The following TRIP12 variants were observed in gnomAD, a reference collection of about 807,000 sequenced individuals.
TRIP12 encodes the protein E3 ubiquitin-protein ligase TRIP12.
Under a neutral mutation model 244.2 loss-of-function variants are expected in TRIP12, and 25 were observed. The ratio of observed to expected loss-of-function variants is 0.10; its 90% confidence interval spans 0.07 to 0.14. The LOEUF is 0.14. Among genes scored for constraint, TRIP12 ranks in the 10% least tolerant of loss-of-function variants. The pLI, the probability that TRIP12 is intolerant of heterozygous loss-of-function variation, is 1.00. For synonymous variants in TRIP12, 905 were observed against 873.1 expected (o/e 1.04, Z -0.64); for missense variants, 1,677 against 2,486.4 (o/e 0.67, Z 6.92).
intron 6 of TRIP12, among the ~76,000 whole-genome samples, chr2:229,834,777 A>AG (rs943508091): frequency 5.9e-5 from 9 of 152,104 alleles, no homozygotes; most frequent in Non-Finnish European, 1.2e-4. Flanking sequence ...AAAAAAAAAA[A>AG]GAATGCACAG....
intron 5 of TRIP12, among the ~76,000 whole-genome samples, chr2:229,837,562 A>G (rs575709168): frequency 1.6e-4 from 24 of 152,090 alleles, no homozygotes; most frequent in Admixed American, 5.2e-4. Flanking sequence ...CGAACCCGGG[A>G]GGCGGAGGTT....
At chr2:229,771,679 C>CT in intron 38 of TRIP12, 47 bp from the exon 39 acceptor site, 1 of 1,440,768 alleles carries the variant, frequency 6.9e-7, no homozygotes. Context: ...TTTCAAATCT[C>CT]TTTACTATTT....
chr2:229,774,513 T>C (rs1266397022), intron 37 of TRIP12, among the ~76,000 whole-genome samples: 2 of 152,194 alleles, frequency 1.3e-5, no homozygotes, highest in Non-Finnish European at 2.9e-5. Flanking sequence ...AGTTTAAGCA[T>C]ATGCAAATCA....
At chr2:229,804,284 CAATA>C (rs1262898833) in intron 18 of TRIP12, 57 bp from the exon 19 acceptor site, 2 of 1,400,480 alleles carry the variant, frequency 1.4e-6, no homozygotes, top group Admixed American at 2.1e-5. Flanking sequence ...TTCAGAAACA[CAATA>C]AACAATATAA....
intron 2 of TRIP12, among the ~76,000 whole-genome samples, chr2:229,878,108 C>A (rs568707498): frequency 6.6e-6 from 1 of 152,270 alleles, no homozygotes; most frequent in South Asian, 2.1e-4. Flanking sequence ...ACTGAGGTTT[C>A]CTGAAACTCT....
chr2:229,903,800 G>A (rs1215116497), intron 1 of TRIP12, among the ~76,000 whole-genome samples: 3 of 150,720 alleles, frequency 2.0e-5, no homozygotes, highest in African/African-American at 7.3e-5. Context: ...CAGATCACTT[G>A]AGCTCAGGAG....
chr2:229,856,075 A>AT (rs200335853), intron 4 of TRIP12, among the ~76,000 whole-genome samples: 2,582 of 151,390 alleles, frequency 0.017, 67 homozygotes, highest in African/African-American at 0.058. Flanking sequence ...CTAAAGCACC[A>AT]TTTTTTTTAA....
chr2:229,830,123 C>G (rs1037780842), intron 7 of TRIP12, among the ~76,000 whole-genome samples: 4 of 152,122 alleles, frequency 2.6e-5, no homozygotes, highest in African/African-American at 9.7e-5. Context: ...ACATACCCAT[C>G]CATACATAGT....
At chr2:229,881,111 T>C (rs1048726390) in intron 1 of TRIP12, among the ~76,000 whole-genome samples, 5 of 151,038 alleles carry the variant, frequency 3.3e-5, no homozygotes, top group Admixed American at 1.3e-4. Context: ...ACCTTTAATT[T>C]ACTCTCCTTT....
At position 229,918,533 on chromosome 2, in the gene TRIP12, C is replaced by T. The variant is rs575816376; in HGVS notation, c.-50+3347G>A. Among the ~76,000 whole-genome samples, 7 of 152,302 alleles carry T rather than the reference C, an allele frequency of 4.6e-5. No individual in the cohort carries two copies. The East Asian group carries it at 9.6e-4, about 21-fold the overall frequency. On this transcript the variant is annotated intron_variant, in intron 1 of 41. Transcript: ENST00000675903. Reference sequence around the variant, plus strand: ...ATTTCATTAGAGTCACAAACCAGAACAGGTACTTTGTCAATAAAAAACGTA... The same window carrying T: ...ATTTCATTAGAGTCACAAACCAGAATAGGTACTTTGTCAATAAAAAACGTA...
chr2:229,845,889 C>T (rs1301217123), intron 4 of TRIP12, among the ~76,000 whole-genome samples: 2 of 151,284 alleles, frequency 1.3e-5, no homozygotes, highest in African/African-American at 2.4e-5. Flanking sequence ...TAGCTGGGTG[C>T]GGTGACACAA....
At chr2:229,825,073 A>T (rs1559662666) in intron 8 of TRIP12, among the ~76,000 whole-genome samples, 7 of 152,238 alleles carry the variant, frequency 4.6e-5, no homozygotes, top group African/African-American at 1.4e-4. Context: ...AAAGTAAAAA[A>T]TATCCCAGGA....
intron 4 of TRIP12, 80 bp from the exon 5 acceptor site, chr2:229,841,007 T>C (rs2056297853): frequency 2.8e-6 from 3 of 1,054,702 alleles, no homozygotes; most frequent in Non-Finnish European, 4.1e-6. Context: ...CTTCAGGTCA[T>C]CATGTTCAAA....
In TRIP12 at chr2:229,813,707, C is replaced by G. The variant is rs185671688; in HGVS notation, c.1986+163G>C. On this transcript the variant is annotated intron_variant, in intron 13 of 41. Transcript: ENST00000675903. Reference sequence around the variant, plus strand: ...GCTGAGGCAGGAGAATCGCTTGAACCCAGGAGGCGGAGGTGGCAGTGAGCT... The same window carrying G: ...GCTGAGGCAGGAGAATCGCTTGAACGCAGGAGGCGGAGGTGGCAGTGAGCT... Among the ~76,000 whole-genome samples the G allele has an allele frequency of 4.7e-4, 71 of 152,170 alleles. 1 individual carries two copies. The East Asian group carries it at 0.013, about 28-fold the overall frequency.
At chr2:229,922,513 G>C, upstream of TRIP12, 1 of 1,613,994 alleles carries the variant, frequency 6.2e-7, no homozygotes, top group African/African-American at 1.3e-5. Context: ...GGCGTCCCAA[G>C]ATGGCGTCGT....
chr2:229,896,446 T>C (rs2068850417), intron 1 of TRIP12, among the ~76,000 whole-genome samples: 1 of 152,070 alleles, frequency 6.6e-6, no homozygotes, highest in Non-Finnish European at 1.5e-5. Flanking sequence ...GGGACCAGCC[T>C]GGCCAACATG....
At chr2:229,911,230 T>C (rs1414351514) in intron 1 of TRIP12, among the ~76,000 whole-genome samples, 2 of 152,202 alleles carry the variant, frequency 1.3e-5, no homozygotes, top group African/African-American at 2.4e-5. Flanking sequence ...ACAGGTACAA[T>C]TCTGAGTCAT....
At chr2:229,870,245 A>ATAATCTTTTTAAT (rs1421466355) in intron 2 of TRIP12, among the ~76,000 whole-genome samples, 1 of 152,256 alleles carries the variant, frequency 6.6e-6, no homozygotes, top group East Asian at 1.9e-4. Flanking sequence ...TGAAAATGGT[A>ATAATCTTTTTAAT]TAATCTTTTT....
intron 12 of TRIP12, 33 bp from the exon 13 acceptor site, chr2:229,814,064 A>T: frequency 6.4e-7 from 1 of 1,552,994 alleles, no homozygotes; most frequent in Non-Finnish European, 8.8e-7. Context: ...GGTAAAGAAA[A>T]ATCCTTTATC....
Sources: gnomAD v4.1 joint callset for allele counts (sites outside exome capture counted in the v4.1 genomes callset) on GRCh38, gnomAD v4.1.1 for gene constraint, MANE v1.5 for transcripts, NCBI Gene and HGNC (gene_info 2026-07-23, HGNC 2026-07-21) for gene names.